Variants in TMC7 observed in about 807,000 individuals in gnomAD.
TMC7 encodes the protein transmembrane channel-like protein 7.
A neutral mutation model predicts 82.9 loss-of-function variants in TMC7; 54 were observed. The observed-to-expected ratio is 0.65, with a 90% CI of 0.52 to 0.82. The LOEUF is 0.82. Ranked by LOEUF, TMC7 falls within the 40% of genes least tolerant of loss-of-function variation. The probability of loss-of-function intolerance (pLI) is 0.00; values close to 1 mark genes in which losing one functional copy is unlikely to be tolerated. For synonymous variants in TMC7, 350 were observed against 337.9 expected (o/e 1.04, Z -0.39); for missense variants, 820 against 901.2 (o/e 0.91, Z 1.15).
At chr16:18,989,593 G>A (rs894756798) in intron 1 of TMC7, among the ~76,000 whole-genome samples, 1 of 142,888 alleles carries the variant, frequency 7.0e-6, no homozygotes, top group Non-Finnish European at 1.6e-5. Context: ...AATGGGCCCT[G>A]AGCGATCACC....
At chr16:19,009,666 G>A (rs761893494) in intron 2 of TMC7, among the ~76,000 whole-genome samples, 4 of 151,604 alleles carry the variant, frequency 2.6e-5, no homozygotes, top group Non-Finnish European at 4.4e-5. Flanking sequence ...CAGGCCGGGC[G>A]CGGTGGCTCA....
chr16:18,989,247 G>A (rs1324300867), intron 1 of TMC7, among the ~76,000 whole-genome samples: 2 of 152,058 alleles, frequency 1.3e-5, no homozygotes, highest in Non-Finnish European at 2.9e-5. Context: ...GGCAGGTCTG[G>A]ACAGAGCTGA....
intron 6 of TMC7, among the ~76,000 whole-genome samples, chr16:19,034,178 A>G (rs1165915573): frequency 6.6e-6 from 1 of 152,236 alleles, no homozygotes; most frequent in Non-Finnish European, 1.5e-5. Flanking sequence ...TATAGTCCAT[A>G]TAAAGGTGGC....
In TMC7 at chr16:19,045,011, G is replaced by A. The variant is rs200236449; in HGVS notation, c.1455+10G>A. The A allele has an allele frequency of 6.2e-5, 100 of 1,605,212 alleles. 2 individuals are homozygous for A. The Middle Eastern group carries it at 1.1e-3, about 17-fold the overall frequency. On this transcript the variant is annotated intron_variant, in intron 10 of 15. Transcript: ENST00000304381. ...CCAGAAACTCTACCCGGTGAGTTGCGGGGCGGGGGCGTTCGGCTGGGTGGG... is the reference window on the plus strand; with the variant it reads ...CCAGAAACTCTACCCGGTGAGTTGCAGGGCGGGGGCGTTCGGCTGGGTGGG...
intron 1 of TMC7, among the ~76,000 whole-genome samples, chr16:18,998,035 C>CG (rs2039074914): frequency 2.6e-5 from 4 of 151,244 alleles, no homozygotes; most frequent in Admixed American, 2.6e-4. Context: ...CCTGGCCAAC[C>CG]TTTTTTTTTG....
At chr16:19,030,179 C>A (rs746410789) in intron 5 of TMC7, 45 bp from the exon 6 acceptor site, 1 of 1,583,342 alleles carries the variant, frequency 6.3e-7, no homozygotes, top group Admixed American at 1.8e-5. Context: ...TGGTTCCCTG[C>A]AGTAAGCTGA....
chr16:19,019,043 T>C (rs1596750058), intron 3 of TMC7, among the ~76,000 whole-genome samples: 3 of 152,086 alleles, frequency 2.0e-5, no homozygotes, highest in Admixed American at 2.0e-4. Context: ...AGAGACAGGG[T>C]TTCACCATGT....
intron 15 of TMC7, 50 bp downstream of exon 15, chr16:19,059,544 A>G (rs200544356): frequency 6.2e-7 from 1 of 1,614,104 alleles, no homozygotes; most frequent in African/African-American, 1.3e-5. Flanking sequence ...TTTACCCAGG[A>G]CACTGCAAGG....
In TMC7 at chr16:19,009,411, C is replaced by A. The variant is rs1428595417; in HGVS notation, c.307C>A (p.Leu103Ile). ...ACTGAACATCTCTGAGAAGCGGAGA[C>A]TAAGGTTTGTTCACTAGCCACCTGG... ...YALNISEKRR[L>I]RDIQETQMKY... The change falls in exon 2 of 16, where the codon CTA becomes ATA. Residue 103 changes from leucine to isoleucine, a missense_variant. Physicochemically the swap from Leu to Ile is conservative, Grantham distance 5. Transcript: ENST00000304381. 1.2e-6 allele frequency: 2 copies of A among 1,611,678 alleles called. No homozygotes were observed. The highest frequency in any genetic ancestry group is 8.5e-7 in the Non-Finnish European group (1 of 1,178,214).
intron 6 of TMC7, among the ~76,000 whole-genome samples, chr16:19,031,880 T>C (rs1227978950): frequency 6.6e-6 from 1 of 152,056 alleles, no homozygotes; most frequent in Admixed American, 6.6e-5. Flanking sequence ...ACCATGCGGA[T>C]GGTATTTATA....
intron 5 of TMC7, 44 bp from the exon 6 acceptor site, chr16:19,030,180 A>G (rs772596832): frequency 2.5e-6 from 4 of 1,585,088 alleles, no homozygotes; most frequent in Non-Finnish European, 3.4e-6. Context: ...GGTTCCCTGC[A>G]GTAAGCTGAC....
chr16:19,031,625 C>G (rs779686549), intron 6 of TMC7, among the ~76,000 whole-genome samples: 4 of 152,060 alleles, frequency 2.6e-5, no homozygotes, highest in African/African-American at 9.7e-5. Flanking sequence ...GAGCCAAGAT[C>G]GTACCACTGC....
chr16:18,995,391 T>C (rs1456364150), intron 1 of TMC7, among the ~76,000 whole-genome samples: 1 of 152,212 alleles, frequency 6.6e-6, no homozygotes, highest in Non-Finnish European at 1.5e-5. Flanking sequence ...AGCATCAGTC[T>C]TCAGCCACTA....
intron 3 of TMC7, among the ~76,000 whole-genome samples, chr16:19,017,734 A>G (rs1454127263): frequency 6.7e-6 from 1 of 148,910 alleles, no homozygotes; most frequent in Non-Finnish European, 1.5e-5. Context: ...CAGTGGTGCA[A>G]TCTCGGCTCA....
At chr16:19,032,771 G>A (rs899480846) in intron 6 of TMC7, among the ~76,000 whole-genome samples, 1 of 152,036 alleles carries the variant, frequency 6.6e-6, no homozygotes, top group Non-Finnish European at 1.5e-5. Context: ...GAGATTACAG[G>A]TGCACGCCAC....
chr16:18,992,012 T>G (rs540195265), intron 1 of TMC7, among the ~76,000 whole-genome samples: 1 of 152,356 alleles, frequency 6.6e-6, no homozygotes, highest in South Asian at 2.1e-4. Context: ...GACATTTGGG[T>G]TGGTTCTAAG....
At chr16:19,060,672 G>A (rs1375664112) in intron 15 of TMC7, among the ~76,000 whole-genome samples, 1 of 152,102 alleles carries the variant, frequency 6.6e-6, no homozygotes, top group East Asian at 1.9e-4. Flanking sequence ...GAAGAGGCAA[G>A]GTGATATTGT....
chr16:19,001,747 T>G (rs1199808076), intron 1 of TMC7, among the ~76,000 whole-genome samples: 1 of 152,012 alleles, frequency 6.6e-6, no homozygotes. Flanking sequence ...AGTGGGTACT[T>G]AGGAGCTATG....
At chr16:19,024,027 T>G (rs1367272506) in intron 5 of TMC7, among the ~76,000 whole-genome samples, 1 of 152,202 alleles carries the variant, frequency 6.6e-6, no homozygotes, top group Non-Finnish European at 1.5e-5. Flanking sequence ...CTGAAATCCC[T>G]TATAAGTCAA....
Sources: gnomAD v4.1 joint callset for allele counts (sites outside exome capture counted in the v4.1 genomes callset) on GRCh38, gnomAD v4.1.1 for gene constraint, MANE v1.5 for transcripts, NCBI Gene and HGNC (gene_info 2026-07-23, HGNC 2026-07-21) for gene names.